Variants in NDST3 observed in about 807,000 individuals in gnomAD.
NDST3 encodes N-deacetylase and N-sulfotransferase 3.
In NDST3, 58 loss-of-function variants were observed where a neutral mutation model predicts 96.1. That is an observed-to-expected ratio of 0.60 (90% CI 0.49 to 0.75). The LOEUF (loss-of-function observed/expected upper bound fraction) is 0.75, where lower values mean the gene tolerates loss of function less well. Ranked by LOEUF, NDST3 falls within the 30% of genes least tolerant of loss-of-function variation. NDST3 has a pLI of 0.00. For missense variants in NDST3, 788 were observed against 1,034.2 expected, an observed-to-expected ratio of 0.76 and a Z score of 3.27; for synonymous variants, 333 against 359.7, an observed-to-expected ratio of 0.93 and a Z score of 0.84.
At chr4:118,181,755 C>A (rs141614404) in intron 6 of NDST3, among the ~76,000 whole-genome samples, 1 of 152,102 alleles carries the variant, frequency 6.6e-6, no homozygotes, top group Non-Finnish European at 1.5e-5. Context: ...CAGAGATTCA[C>A]CTAAGTCACA....
At chr4:118,206,300 C>T (rs1254349621) in intron 6 of NDST3, among the ~76,000 whole-genome samples, 2 of 144,898 alleles carry the variant, frequency 1.4e-5, no homozygotes, top group Non-Finnish European at 3.1e-5. Context: ...TGAGTGTACA[C>T]TATTAATTAG....
At chr4:118,221,586 C>T (rs1482056635) in intron 6 of NDST3, among the ~76,000 whole-genome samples, 1 of 151,902 alleles carries the variant, frequency 6.6e-6, no homozygotes, top group Non-Finnish European at 1.5e-5. Context: ...AGGGTTGATG[C>T]TAGAAAGTAT....
intron 2 of NDST3, among the ~76,000 whole-genome samples, chr4:118,099,296 G>A (rs1578635709): frequency 6.6e-6 from 1 of 152,038 alleles, no homozygotes; most frequent in Non-Finnish European, 1.5e-5. Flanking sequence ...CACAAGAACT[G>A]GGCATTCAGC....
intron 2 of NDST3, among the ~76,000 whole-genome samples, chr4:118,080,136 G>A (rs141366980): frequency 2.3e-3 from 343 of 152,090 alleles, no homozygotes; most frequent in South Asian, 5.2e-3. Context: ...TGTGCCTTAC[G>A]GATTAAATTA....
intron 3 of NDST3, among the ~76,000 whole-genome samples, chr4:118,108,298 T>C (rs550020643): frequency 6.6e-6 from 1 of 152,332 alleles, no homozygotes; most frequent in Admixed American, 6.5e-5. Flanking sequence ...AAAGAAGAGT[T>C]ACTTTTTACT....
chr4:118,200,591 T>C (rs1344674887), intron 6 of NDST3, among the ~76,000 whole-genome samples: 1 of 152,176 alleles, frequency 6.6e-6, no homozygotes, highest in Non-Finnish European at 1.5e-5. Flanking sequence ...ATAGCTTTCT[T>C]TTTTGTCTTT....
intron 6 of NDST3, among the ~76,000 whole-genome samples, chr4:118,179,162 G>T (rs1027013392): frequency 6.6e-6 from 1 of 151,808 alleles, no homozygotes; most frequent in Non-Finnish European, 1.5e-5. Flanking sequence ...TGCCCTGGGG[G>T]GAGACACTAT....
At chr4:118,230,240 T>C (rs1740180026) in intron 8 of NDST3, among the ~76,000 whole-genome samples, 1 of 152,118 alleles carries the variant, frequency 6.6e-6, no homozygotes, top group Non-Finnish European at 1.5e-5. Flanking sequence ...TTCTCAAGGG[T>C]GGTTGCCAGA....
Position 118,217,199 on chromosome 4 carries a change from G to A in NDST3, c.1540-7292G>A, listed in dbSNP as rs746159452. ...GAGAAGAAACCGTATAAACGAAGCC[G>A]TGGAGAGGCAAGTCCAAGGAATATT... On this transcript the variant is annotated intron_variant, in intron 6 of 13. Coordinates refer to ENST00000296499, the MANE Select transcript of NDST3 (RefSeq NM_004784.3). 5.9e-5 allele frequency among the ~76,000 whole-genome samples: 9 copies of A among 152,196 alleles called. No homozygotes were observed. In the East Asian group the frequency reaches 1.2e-3, roughly 20 times the overall value.
At chr4:118,048,249 A>G (rs917241332) in intron 1 of NDST3, among the ~76,000 whole-genome samples, 2 of 152,168 alleles carry the variant, frequency 1.3e-5, no homozygotes, top group African/African-American at 4.8e-5. Context: ...GGAATTGAAA[A>G]GCAACACCTG....
intron 2 of NDST3, among the ~76,000 whole-genome samples, chr4:118,094,154 T>C (rs1277657633): frequency 6.6e-6 from 1 of 151,852 alleles, no homozygotes; most frequent in Non-Finnish European, 1.5e-5. Flanking sequence ...ATTCAGACCA[T>C]AGCAAAATTC....
chr4:118,172,276 T>C (rs558839782), intron 6 of NDST3, among the ~76,000 whole-genome samples: 4 of 152,218 alleles, frequency 2.6e-5, no homozygotes, highest in Non-Finnish European at 5.9e-5. Context: ...TTTTCCAACT[T>C]GGCAACAGCC....
At chr4:118,148,700 C>G (rs1734142118) in intron 6 of NDST3, among the ~76,000 whole-genome samples, 2 of 152,088 alleles carry the variant, frequency 1.3e-5, no homozygotes, top group Admixed American at 1.3e-4. Context: ...AAAAAAAATA[C>G]TGTAATTTTA....
chr4:118,215,503 C>A (rs781469169), intron 6 of NDST3, among the ~76,000 whole-genome samples: 6 of 152,062 alleles, frequency 3.9e-5, no homozygotes, highest in Non-Finnish European at 7.4e-5. Context: ...GTAAAGTCAG[C>A]ACCTGAGTAC....
chr4:118,066,586 C>CATTATATATAAT (rs1560619166), intron 2 of NDST3, among the ~76,000 whole-genome samples: 169 of 13,556 alleles, frequency 0.012, 2 homozygotes, highest in African/African-American at 0.036. Context: ...TTATATATAA[C>CATTATATATAAT]ATGTTATATA....
chr4:118,109,179 T>C (rs958606314), intron 3 of NDST3, among the ~76,000 whole-genome samples: 47 of 152,302 alleles, frequency 3.1e-4, no homozygotes, highest in African/African-American at 1.1e-3. Flanking sequence ...CTTCCTAAAC[T>C]TCTGAGTTAG....
intron 4 of NDST3, among the ~76,000 whole-genome samples, chr4:118,127,384 G>T (rs1732199203): frequency 6.6e-6 from 1 of 151,976 alleles, no homozygotes. Context: ...TGATAGACAG[G>T]GGTTCAGCTT....
At chr4:118,168,120 G>A (rs1039543625) in intron 6 of NDST3, among the ~76,000 whole-genome samples, 1 of 151,500 alleles carries the variant, frequency 6.6e-6, no homozygotes, top group African/African-American at 2.4e-5. Context: ...AACCAACTGA[G>A]GGAAAATGCA....
intron 6 of NDST3, among the ~76,000 whole-genome samples, chr4:118,185,495 A>C (rs1036341988): frequency 1.3e-5 from 2 of 150,680 alleles, no homozygotes; most frequent in Non-Finnish European, 3.0e-5. Flanking sequence ...TATAACATAC[A>C]TATGATATAT....
Sources: gnomAD v4.1 joint callset for allele counts (sites outside exome capture counted in the v4.1 genomes callset) on GRCh38, gnomAD v4.1.1 for gene constraint, MANE v1.5 for transcripts, NCBI Gene and HGNC (gene_info 2026-07-23, HGNC 2026-07-21) for gene names.